The following KIAA2012 variants were observed in gnomAD, a reference collection of about 807,000 sequenced individuals.
KIAA2012 encodes KIAA2012.
Under a neutral mutation model 150.6 loss-of-function variants are expected in KIAA2012, and 125 were observed. The ratio of observed to expected loss-of-function variants is 0.83; its 90% CI spans 0.72 to 0.96. The LOEUF is 0.96. Among genes scored for constraint, KIAA2012 ranks in the 40% least tolerant of loss-of-function variants. The pLI is 0.00. For missense variants in KIAA2012, 1,219 were observed against 1,354.9 expected, an observed-to-expected ratio of 0.90 and a Z score of 1.57; for synonymous variants, 462 against 504.7, an observed-to-expected ratio of 0.92 and a Z score of 1.13.
intron 11 of KIAA2012, among the ~76,000 whole-genome samples, chr2:202,119,283 A>G (rs1291112460): frequency 6.6e-6 from 1 of 152,224 alleles, no homozygotes; most frequent in Non-Finnish European, 1.5e-5. Flanking sequence ...GGAAAAAAAA[A>G]AAAGAATAAT....
rs111379971 is a variant in KIAA2012 at position 202,096,049 on chromosome 2, A to C, written c.686-1386A>C. 3.7e-4 allele frequency among the ~76,000 whole-genome samples: 57 copies of C among 152,114 alleles called. No individual in the cohort carries two copies. The South Asian group carries it at 5.4e-3, about 14-fold the overall frequency. On this transcript the variant is annotated intron_variant, in intron 4 of 23. Coordinates refer to ENST00000498697, the MANE Select transcript of KIAA2012 (RefSeq NM_001277372.4). ...CAGTGAGCCAAGATCATGCCACTGC[A>C]CTCCAGCCTGGGCAACAGAGTGAGA...
intron 12 of KIAA2012, chr2:202,136,054 G>A: frequency 2.5e-6 from 1 of 400,000 alleles, no homozygotes; most frequent in African/African-American, 2.1e-5. Flanking sequence ...GAAATGGTGG[G>A]TTCTTGGTCT....
intron 13 of KIAA2012, among the ~76,000 whole-genome samples, 161 bp from the exon 14 acceptor site, chr2:202,154,512 A>G (rs996754145): frequency 5.3e-5 from 8 of 152,172 alleles, no homozygotes; most frequent in Middle Eastern, 3.2e-3. Context: ...TTTTCTCTCT[A>G]TAGGGTCCTC....
chr2:202,100,196 C>G (rs1690005095), intron 6 of KIAA2012, 111 bp from the exon 7 acceptor site: 1 of 1,197,706 alleles, frequency 8.3e-7, no homozygotes, highest in Admixed American at 2.3e-5. Context: ...AGTGCCCCAG[C>G]ACACTGCCTG....
At chr2:202,090,724 C>T in intron 2 of KIAA2012, 46 bp from the exon 3 acceptor site, 2 of 1,512,134 alleles carry the variant, frequency 1.3e-6, no homozygotes, top group South Asian at 2.6e-5. Context: ...CACTGGGTGG[C>T]TCAGGGGTCA....
intron 12 of KIAA2012, among the ~76,000 whole-genome samples, chr2:202,127,257 T>C (rs920046459): frequency 4.6e-5 from 7 of 152,210 alleles, no homozygotes; most frequent in Admixed American, 2.6e-4. Flanking sequence ...CATTCTACTA[T>C]TAAAATCTCA....
chr2:202,105,765 TC>T lies in KIAA2012; in HGVS notation c.1331del (p.Pro444HisfsTer21). 1 of 1,550,436 alleles carries T rather than the reference TC, an allele frequency of 6.4e-7. No individual in the cohort carries two copies. Among genetic ancestry groups the T allele is most frequent in the Non-Finnish European group, 8.7e-7 (1 of 1,146,924 alleles). ...AGCCTCCTCTTTGTCTCCTAGGTGCTCCACACCCTGAGTCAGAACCAGAAAG... is the reference window on the plus strand; with the variant it reads ...AGCCTCCTCTTTGTCTCCTAGGTGCTCACACCCTGAGTCAGAACCAGAAAG... The part of the protein sequence containing the change: ...PKEKAHRRGA[P>X]HPESEPESSE... On this transcript the variant is annotated frameshift_variant, in exon 9 of 24. Coordinates refer to ENST00000498697, the MANE Select transcript of KIAA2012 (RefSeq NM_001277372.4). LOFTEE classifies it high-confidence loss of function.
At chr2:202,170,309 TAAC>T (rs1178562175) in intron 15 of KIAA2012, among the ~76,000 whole-genome samples, 1 of 152,216 alleles carries the variant, frequency 6.6e-6, no homozygotes, top group Non-Finnish European at 1.5e-5. Context: ...GATCTGAAAA[TAAC>T]AAAATTGACC....
chr2:202,118,596 G>C (rs1011548846), intron 11 of KIAA2012, among the ~76,000 whole-genome samples: 1 of 120,422 alleles, frequency 8.3e-6, no homozygotes, highest in African/African-American at 2.6e-5. Context: ...TATTTGGGCA[G>C]TTTCTGTTCT....
At chr2:202,113,672 TC>T (rs755803020) in intron 11 of KIAA2012, 8 of 524,974 alleles carry the variant, frequency 1.5e-5, no homozygotes, top group Non-Finnish European at 2.4e-5. Context: ...AGAGAGAAGT[TC>T]CAGTGGAATG....
chr2:202,124,947 G>A (rs572650911), intron 11 of KIAA2012, among the ~76,000 whole-genome samples: 169 of 152,306 alleles, frequency 1.1e-3, no homozygotes, highest in African/African-American at 3.7e-3. Context: ...GCACATGCCC[G>A]TAATGCCAGC....
intron 11 of KIAA2012, among the ~76,000 whole-genome samples, chr2:202,122,755 C>T (rs1690683418): frequency 6.6e-6 from 1 of 152,180 alleles, no homozygotes; most frequent in South Asian, 2.1e-4. Context: ...CCACCTGCCT[C>T]GGCCTCCCAA....
Position 202,190,382 on chromosome 2 carries a change from TG to T in KIAA2012, c.2701del (p.Ala901ProfsTer8). ...EDPWLSPKYD[A>X]QESQVSLDGR... ...ACCCTTGGCTTTCTCCCAAATATGATGCCCAGGAAAGCCAAGTTTCTCTAGA... is the reference window on the plus strand; with the variant it reads ...ACCCTTGGCTTTCTCCCAAATATGATCCCAGGAAAGCCAAGTTTCTCTAGA... On this transcript the variant is annotated frameshift_variant, in exon 19 of 24. Coordinates refer to ENST00000498697, the MANE Select transcript of KIAA2012 (RefSeq NM_001277372.4). LOFTEE classifies it high-confidence loss of function. The T allele has an allele frequency of 6.4e-7, 1 of 1,550,598 alleles. No homozygotes were observed. Among genetic ancestry groups the T allele is most frequent in the Non-Finnish European group, 8.7e-7 (1 of 1,146,972 alleles).
intron 9 of KIAA2012, among the ~76,000 whole-genome samples, chr2:202,106,641 T>C (rs1333936519): frequency 6.6e-6 from 1 of 152,200 alleles, no homozygotes; most frequent in East Asian, 1.9e-4. Context: ...GAGCTGAGAT[T>C]GTGCCACTGC....
chr2:202,136,068 T>C (rs762054819), intron 12 of KIAA2012: 1 of 404,254 alleles, frequency 2.5e-6, no homozygotes, highest in South Asian at 1.8e-5. Flanking sequence ...TTGGTCTCGC[T>C]GACTTCAAGA....
intron 15 of KIAA2012, among the ~76,000 whole-genome samples, chr2:202,172,957 C>T (rs1333419274): frequency 6.6e-6 from 1 of 152,252 alleles, no homozygotes; most frequent in African/African-American, 2.4e-5. Flanking sequence ...AAATATTCTG[C>T]TAGTCCTTAG....
chr2:202,125,505 C>T (rs571395811), intron 12 of KIAA2012, among the ~76,000 whole-genome samples: 2 of 152,096 alleles, frequency 1.3e-5, no homozygotes, highest in East Asian at 3.9e-4. Flanking sequence ...GAGGAAGAGA[C>T]GTCGGGTGGA....
chr2:202,114,771 A>C (rs998568551), intron 11 of KIAA2012, among the ~76,000 whole-genome samples: 36 of 152,238 alleles, frequency 2.4e-4, no homozygotes, highest in Non-Finnish European at 8.8e-5. Context: ...GACATGGAGA[A>C]AGAGAAAGAT....
chr2:202,200,122 G>A (rs1290710971), intron 22 of KIAA2012, among the ~76,000 whole-genome samples: 20 of 151,704 alleles, frequency 1.3e-4, no homozygotes. Flanking sequence ...GTAGAGACGG[G>A]GGGTTTCACC....
Sources: gnomAD v4.1 joint callset for allele counts (sites outside exome capture counted in the v4.1 genomes callset) on GRCh38, gnomAD v4.1.1 for gene constraint, MANE v1.5 for transcripts, NCBI Gene and HGNC (gene_info 2026-07-23, HGNC 2026-07-21) for gene names.